The following RBFOX1 variants were observed in gnomAD, a reference collection of about 807,000 sequenced individuals.
RBFOX1 encodes RNA binding protein fox-1 homolog 1.
Under a neutral mutation model 57.7 loss-of-function variants are expected in RBFOX1, and 8 were observed. That is an observed-to-expected ratio of 0.14 (90% CI 0.08 to 0.25). RBFOX1 has a LOEUF of 0.25. Among genes scored for constraint, RBFOX1 ranks in the 10% least tolerant of loss-of-function variants. RBFOX1 has a pLI of 1.00. For synonymous variants in RBFOX1, 326 were observed against 222.4 expected (o/e 1.47, Z -4.15); for missense variants, 611 against 548.5 (o/e 1.11, Z -1.14).
At chr16:7,413,244 A>G (rs993247453) in intron 4 of RBFOX1, among the ~76,000 whole-genome samples, 4 of 151,898 alleles carry the variant, frequency 2.6e-5, no homozygotes, top group Non-Finnish European at 4.4e-5. Context: ...AGCATTGGTA[A>G]CCTCTTTGTG....
intron 2 of RBFOX1, among the ~76,000 whole-genome samples, chr16:6,450,206 G>A (rs1397644512): frequency 6.6e-6 from 1 of 152,078 alleles, no homozygotes; most frequent in East Asian, 1.9e-4. Context: ...TTTTACCTAA[G>A]TATTTTTTGA....
exon 3 of RBFOX1, chr16:5,599,342 C>A: frequency 3.3e-6 from 2 of 612,320 alleles, no homozygotes; most frequent in Admixed American, 5.6e-5. Flanking sequence ...GGTTGTCTTC[C>A]TAGTAAGGAC....
At chr16:5,982,980 C>A (rs922406787) in intron 4 of RBFOX1, among the ~76,000 whole-genome samples, 1 of 152,204 alleles carries the variant, frequency 6.6e-6, no homozygotes, top group African/African-American at 2.4e-5. Flanking sequence ...AGTTACCACT[C>A]CCTCTCTGCC....
At chr16:5,900,992 T>A (rs1307684977) in intron 4 of RBFOX1, among the ~76,000 whole-genome samples, 1 of 152,230 alleles carries the variant, frequency 6.6e-6, no homozygotes, top group Non-Finnish European at 1.5e-5. Context: ...AGAGAAGCAC[T>A]GTCCTTTCAG....
intron 1 of RBFOX1, among the ~76,000 whole-genome samples, chr16:6,113,760 C>T (rs896476597): frequency 6.6e-6 from 1 of 152,210 alleles, no homozygotes; most frequent in Non-Finnish European, 1.5e-5. Flanking sequence ...ATGTAACATA[C>T]ACTCTAGAAA....
chr16:5,598,856 A>C (rs1251788785), intron 2 of RBFOX1: 4 of 1,414,708 alleles, frequency 2.8e-6, no homozygotes, highest in East Asian at 2.5e-5. Flanking sequence ...TTTTTCCTCA[A>C]CCCGGCTTCC....
chr16:6,992,854 A>G (rs527596720), intron 3 of RBFOX1, among the ~76,000 whole-genome samples: 1 of 151,560 alleles, frequency 6.6e-6, no homozygotes, highest in East Asian at 1.9e-4. Context: ...AAAAAAAAAA[A>G]GATTTGTGAT....
chr16:7,415,252 G>T (rs1240920838), intron 4 of RBFOX1, among the ~76,000 whole-genome samples: 1 of 152,180 alleles, frequency 6.6e-6, no homozygotes, highest in African/African-American at 2.4e-5. Context: ...TTTCTCAGAT[G>T]ATGCATCTGA....
chr16:7,325,736 T>C (rs1041740777), intron 4 of RBFOX1, among the ~76,000 whole-genome samples: 3 of 152,332 alleles, frequency 2.0e-5, no homozygotes, highest in African/African-American at 7.2e-5. Context: ...TCTTGATAAT[T>C]TGATGCGGTT....
chr16:7,091,013 C>G (rs1265704622), intron 4 of RBFOX1, among the ~76,000 whole-genome samples: 3 of 152,230 alleles, frequency 2.0e-5, no homozygotes, highest in African/African-American at 7.2e-5. Flanking sequence ...GGCACCTACT[C>G]ATCTAATTCA....
chr16:6,521,067 C>A (rs753857469), intron 2 of RBFOX1, among the ~76,000 whole-genome samples: 5 of 152,048 alleles, frequency 3.3e-5, no homozygotes, highest in Non-Finnish European at 4.4e-5. Flanking sequence ...CAAGCAATTC[C>A]ACGCACAGGA....
intron 3 of RBFOX1, among the ~76,000 whole-genome samples, chr16:7,042,422 G>A (rs562029787): frequency 3.3e-5 from 5 of 152,186 alleles, no homozygotes; most frequent in East Asian, 1.9e-4. Context: ...CTATCTTTAC[G>A]GTTTTAGGAA....
In RBFOX1 at chr16:5,467,285, G is replaced by T. The variant is rs554746835; in HGVS notation, c.258+31G>T. ...TGCTCATTTTGTCCTGACTTAGGATGTCTGTGAAGTCTAGTGGAAATGAAA... is the reference window on the plus strand; with the variant it reads ...TGCTCATTTTGTCCTGACTTAGGATTTCTGTGAAGTCTAGTGGAAATGAAA... On this transcript the variant is annotated intron_variant, in intron 2 of 2. Transcript: ENST00000585867. The T allele has an allele frequency of 2.9e-4, 417 of 1,461,096 alleles. 1 individual carries two copies. In the Middle Eastern group the frequency reaches 3.4e-3, roughly 12 times the overall value. 90.5% of individuals were successfully genotyped at this position (1,461,096 alleles called of 1,614,324 possible). A position where few individuals can be genotyped will look rare whatever the true frequency, so the allele number is the denominator to read the frequency against.
intron 3 of RBFOX1, among the ~76,000 whole-genome samples, chr16:6,685,362 G>C (rs1179443016): frequency 3.0e-5 from 4 of 135,046 alleles, no homozygotes; most frequent in Non-Finnish European, 4.6e-5. Flanking sequence ...TGCAACCTCC[G>C]CCTCCCAGGT....
At chr16:7,031,508 A>G (rs540050899) in intron 3 of RBFOX1, among the ~76,000 whole-genome samples, 1 of 152,178 alleles carries the variant, frequency 6.6e-6, no homozygotes, top group East Asian at 1.9e-4. Context: ...AGGCAGGAGA[A>G]TCACTTGAAC....
At position 7,392,850 on chromosome 16, in the gene RBFOX1, G is replaced by A. The variant is rs531823248; in HGVS notation, c.28-125297G>A. 2.1e-4 allele frequency among the ~76,000 whole-genome samples: 25 copies of A among 120,274 alleles called. No homozygotes were observed. In the East Asian group the frequency reaches 2.8e-3, roughly 13 times the overall value. The allele number at this position is 120,274 out of a possible 152,430, so 78.9% of individuals were successfully genotyped here. On this transcript the variant is annotated intron_variant, in intron 4 of 15. Coordinates refer to ENST00000550418, the MANE Select transcript of RBFOX1 (RefSeq NM_018723.4). ...CTTGGTTTTTTGTTGTTTTGGTTTG[G>A]TTTGGTTTGTTTGTTTGTTTGTTTG...
chr16:5,326,061 A>G (rs956801530), intron 1 of RBFOX1, among the ~76,000 whole-genome samples: 1 of 152,192 alleles, frequency 6.6e-6, no homozygotes, highest in Non-Finnish European at 1.5e-5. Context: ...CAGAGTTTTT[A>G]CACTCCCGTC....
At chr16:6,333,584 T>C (rs2083294776) in intron 2 of RBFOX1, among the ~76,000 whole-genome samples, 1 of 152,222 alleles carries the variant, frequency 6.6e-6, no homozygotes, top group South Asian at 2.1e-4. Flanking sequence ...GTTTACGAAA[T>C]GGTCCAGTCA....
intron 4 of RBFOX1, among the ~76,000 whole-genome samples, chr16:7,191,042 C>G (rs189331694): frequency 1.2e-3 from 178 of 152,150 alleles, no homozygotes; most frequent in African/African-American, 3.9e-3. Flanking sequence ...ATGATCAATC[C>G]TATTCGGGGA....
Sources: gnomAD v4.1 joint callset for allele counts (sites outside exome capture counted in the v4.1 genomes callset) on GRCh38, gnomAD v4.1.1 for gene constraint, MANE v1.5 for transcripts, NCBI Gene and HGNC (gene_info 2026-07-23, HGNC 2026-07-21) for gene names.